The following WDFY3 variants were observed in gnomAD, a reference collection of about 807,000 sequenced individuals.
WDFY3 encodes the protein WD repeat and FYVE domain containing 3.
WDFY3 carries 66 observed loss-of-function variants against 409.6 expected under a neutral mutation model. The observed-to-expected ratio is 0.16, with a 90% CI of 0.13 to 0.20. The LOEUF is 0.20. Ranked by LOEUF, WDFY3 falls within the 10% of genes least tolerant of loss-of-function variation. WDFY3 has a pLI of 1.00. For synonymous variants in WDFY3, 1,521 were observed against 1,537.1 expected, an observed-to-expected ratio of 0.99 and a Z score of 0.25; for missense variants, 3,031 against 4,298.1, an observed-to-expected ratio of 0.71 and a Z score of 8.24.
chr4:84,679,290 A>G, intron 64 of WDFY3, 48 bp from the exon 65 acceptor site: 4 of 1,436,406 alleles, frequency 2.8e-6, no homozygotes, highest in Non-Finnish European at 3.7e-6. Flanking sequence ...CATCAAAGTT[A>G]CACCCAGCTT....
chr4:84,820,323 A>G (rs755212307), intron 11 of WDFY3, 137 bp from the exon 12 acceptor site: 6 of 574,638 alleles, frequency 1.0e-5, no homozygotes, highest in Non-Finnish European at 1.7e-5. Flanking sequence ...ATAATCTTTA[A>G]AACGATGCAT....
chr4:84,818,186 C>T (rs1303968823), intron 12 of WDFY3, among the ~76,000 whole-genome samples: 2 of 152,150 alleles, frequency 1.3e-5, no homozygotes, highest in Non-Finnish European at 2.9e-5. Flanking sequence ...CAAAGTCATA[C>T]AGCTAGTAAG....
chr4:84,766,158 C>T (rs1165070677), intron 31 of WDFY3, 94 bp downstream of exon 31: 5 of 1,489,406 alleles, frequency 3.4e-6, no homozygotes, highest in Non-Finnish European at 4.5e-6. Context: ...TTAAAAAAAT[C>T]TATTTAAAGT....
In WDFY3 at chr4:84,787,649, A is replaced by G. The variant is rs1258870991; in HGVS notation, c.3734T>C (p.Val1245Ala). 15 of 1,614,136 alleles carry G rather than the reference A, an allele frequency of 9.3e-6. No homozygotes were observed. The highest frequency in any genetic ancestry group is 1.3e-5 in the African/African-American group (1 of 75,048). Residue 1245 changes from valine to alanine, a missense_variant, in exon 23 of 68, where the codon GTC (valine) becomes GCC (alanine). Around this residue, in one of 16 missense-constraint regions of WDFY3, gnomAD observed 1,322 missense variants for 1,697.9 expected, o/e 0.78. Coordinates refer to ENST00000295888, the MANE Select transcript of WDFY3 (RefSeq NM_014991.6). ...GSANPPVVST[V>A]YAYIGTPPAQ... Reference sequence around the variant, plus strand: ...AGGTGGAGTACCAATGTAGGCATAGACCGTGCTCACCACTGGTGGATTTGC... The same window carrying G: ...AGGTGGAGTACCAATGTAGGCATAGGCCGTGCTCACCACTGGTGGATTTGC...
intron 1 of WDFY3, among the ~76,000 whole-genome samples, chr4:84,955,588 T>C (rs143877860): frequency 4.9e-4 from 75 of 152,326 alleles, no homozygotes; most frequent in African/African-American, 1.7e-3. Context: ...GTTATTGTAC[T>C]ATAGTTATAA....
At chr4:84,942,115 A>G (rs1270482749) in intron 1 of WDFY3, among the ~76,000 whole-genome samples, 1 of 152,142 alleles carries the variant, frequency 6.6e-6, no homozygotes, top group Non-Finnish European at 1.5e-5. Flanking sequence ...AACTTCGGGG[A>G]AAATCATTGT....
chr4:84,827,384 A>G (rs1409430887), intron 9 of WDFY3, among the ~76,000 whole-genome samples: 2 of 152,140 alleles, frequency 1.3e-5, no homozygotes, highest in Non-Finnish European at 2.9e-5. Context: ...CTCATACTAT[A>G]TACAGTATGT....
chr4:84,778,623 G>A lies in WDFY3; in HGVS notation c.4398C>T (p.Ser1466=). 1 of 1,609,934 alleles carries A rather than the reference G, an allele frequency of 6.2e-7. No individual in the cohort carries two copies. Among genetic ancestry groups the A allele is most frequent in the Non-Finnish European group, 8.5e-7 (1 of 1,178,834 alleles). Residue 1466 remains serine (S), a synonymous_variant, in exon 27 of 68, where the codon TCC becomes TCT. Coordinates refer to ENST00000295888, the MANE Select transcript of WDFY3 (RefSeq NM_014991.6). ...GATGGAGGATGTGGCTGTTAAGAAG[G>A]GAACGTTTCTTCTTAAGCAACATTG... ...LLAMLLKKKR[S]LLNSHILHLT...
At chr4:84,724,686 T>C (rs1427710694) in intron 45 of WDFY3, 92 bp from the exon 46 acceptor site, 3 of 1,425,410 alleles carry the variant, frequency 2.1e-6, no homozygotes, top group Non-Finnish European at 2.8e-6. Context: ...CAAGGTGTGT[T>C]ACCTTTTTAA....
intron 29 of WDFY3, among the ~76,000 whole-genome samples, chr4:84,774,472 C>T (rs766173945): frequency 3.2e-4 from 49 of 152,176 alleles, no homozygotes; most frequent in Non-Finnish European, 5.1e-4. Context: ...AGTGTGTATG[C>T]GTGCTTGTGC....
intron 2 of WDFY3, among the ~76,000 whole-genome samples, chr4:84,920,930 G>A (rs1769187183): frequency 6.6e-6 from 1 of 151,778 alleles, no homozygotes; most frequent in African/African-American, 2.4e-5. Flanking sequence ...ACTGATCACC[G>A]TTCCTCCAGT....
chr4:84,797,856 C>A, intron 18 of WDFY3, 140 bp downstream of exon 18: 1 of 704,318 alleles, frequency 1.4e-6, no homozygotes, highest in Non-Finnish European at 2.2e-6. Flanking sequence ...CAGGCGTGAG[C>A]CACCGCGCCG....
intron 44 of WDFY3, among the ~76,000 whole-genome samples, chr4:84,729,540 C>T (rs367976869): frequency 7.3e-5 from 11 of 151,640 alleles, no homozygotes; most frequent in East Asian, 5.8e-4. Flanking sequence ...AAACTATTAA[C>T]GCTTTAAAGT....
chr4:84,712,195 A>C (rs1307226329), intron 51 of WDFY3, among the ~76,000 whole-genome samples: 1 of 151,614 alleles, frequency 6.6e-6, no homozygotes, highest in Non-Finnish European at 1.5e-5. Context: ...ATGGTAGCAC[A>C]TGCTTGTAAT....
chr4:84,760,773 T>C (rs1200053617), intron 32 of WDFY3, among the ~76,000 whole-genome samples: 1 of 147,374 alleles, frequency 6.8e-6, no homozygotes, highest in Non-Finnish European at 1.5e-5. Flanking sequence ...GATTCATTAA[T>C]TTTTTGAAGG....
chr4:84,965,034 C>A (rs1489523486), intron 1 of WDFY3, among the ~76,000 whole-genome samples: 1 of 152,138 alleles, frequency 6.6e-6, no homozygotes, highest in African/African-American at 2.4e-5. Context: ...TTAAGAGTCT[C>A]ATGATAAAGT....
chr4:84,782,058 G>A (rs1746620402), intron 25 of WDFY3, among the ~76,000 whole-genome samples: 2 of 152,126 alleles, frequency 1.3e-5, no homozygotes, highest in South Asian at 2.1e-4. Context: ...ATTGGTTTAT[G>A]TCTCAAGATC....
intron 32 of WDFY3, 39 bp from the exon 33 acceptor site, chr4:84,757,200 C>T (rs1453329130): frequency 6.4e-7 from 1 of 1,571,824 alleles, no homozygotes; most frequent in African/African-American, 1.4e-5. Flanking sequence ...GCAAAATCAG[C>T]AACTGATAAA....
Position 84,756,830 on chromosome 4 carries a change from T to C in WDFY3, c.5424+96A>G. On this transcript the variant is annotated intron_variant, in intron 33 of 67. Coordinates refer to ENST00000295888, the MANE Select transcript of WDFY3 (RefSeq NM_014991.6). ...CAAACCTTAAATGTGGGGAAAGTGA[T>C]GGAATTGACAGTTGGTTTTACAGTG... is the stretch of plus-strand genomic sequence containing the variant. 3.9e-6 allele frequency: 5 copies of C among 1,275,572 alleles called. No homozygotes were observed. The South Asian group carries it at 6.0e-5, about 15-fold the overall frequency. 79.0% of individuals were successfully genotyped at this position (1,275,572 alleles called of 1,614,324 possible).
Sources: gnomAD v4.1 joint callset for allele counts (sites outside exome capture counted in the v4.1 genomes callset) on GRCh38, gnomAD v4.1.1 for gene constraint, gnomAD v4.1.1 regional missense constraint, MANE v1.5 for transcripts, NCBI Gene and HGNC (gene_info 2026-07-23, HGNC 2026-07-21) for gene names.